The following GPC6 variants were observed in gnomAD, a reference collection of about 807,000 sequenced individuals.
The protein encoded by GPC6 is glypican 6, also known as glypican-6.
In GPC6, 14 loss-of-function variants were observed where a neutral mutation model predicts 55.2. That is an observed-to-expected ratio of 0.25 (90% CI 0.17 to 0.40). The LOEUF is 0.40. Ranked by LOEUF, GPC6 falls within the 10% of genes least tolerant of loss-of-function variation. The pLI is 1.00. For missense variants in GPC6, 641 were observed against 708.5 expected (o/e 0.90, Z 1.08); for synonymous variants, 278 against 259.6 (o/e 1.07, Z -0.68).
chr13:94,288,155 G>A (rs928252210), intron 5 of GPC6, among the ~76,000 whole-genome samples: 1 of 152,078 alleles, frequency 6.6e-6, no homozygotes, highest in African/African-American at 2.4e-5. Flanking sequence ...GAACAGATCA[G>A]CAATTATATA....
intron 3 of GPC6, among the ~76,000 whole-genome samples, chr13:93,953,524 A>G (rs575152017): frequency 1.3e-5 from 2 of 152,158 alleles, no homozygotes; most frequent in African/African-American, 4.8e-5. Context: ...GTTTCTCCAC[A>G]TCTTGTTCAT....
chr13:94,058,117 G>A (rs540011588), intron 4 of GPC6, among the ~76,000 whole-genome samples: 19 of 152,184 alleles, frequency 1.2e-4, no homozygotes, highest in Admixed American at 5.2e-4. Context: ...TTGCCTTTAC[G>A]GAAGTAAGAT....
At chr13:94,286,131 G>A (rs1892523520) in intron 4 of GPC6, among the ~76,000 whole-genome samples, 1 of 152,090 alleles carries the variant, frequency 6.6e-6, no homozygotes, top group Non-Finnish European at 1.5e-5. Flanking sequence ...CTTATTTTCA[G>A]CCCTGGTTCT....
chr13:93,669,062 A>G (rs1881255607), intron 2 of GPC6, among the ~76,000 whole-genome samples: 3 of 152,178 alleles, frequency 2.0e-5, no homozygotes, highest in African/African-American at 7.2e-5. Flanking sequence ...CTTGTAGGCA[A>G]TTCTTATTGC....
chr13:94,027,484 T>C (rs1002270713), intron 3 of GPC6, among the ~76,000 whole-genome samples: 11 of 152,074 alleles, frequency 7.2e-5, no homozygotes, highest in African/African-American at 2.4e-4. Context: ...TCTATGGCAA[T>C]GAAACAGTGT....
At chr13:93,780,277 A>ACG (rs1885596983) in intron 2 of GPC6, among the ~76,000 whole-genome samples, 1 of 151,978 alleles carries the variant, frequency 6.6e-6, no homozygotes, top group Non-Finnish European at 1.5e-5. Flanking sequence ...TTTAAAAGCA[A>ACG]AAAAAAACAC....
chr13:93,465,191 A>G (rs2139320127), intron 1 of GPC6, among the ~76,000 whole-genome samples: 1 of 152,328 alleles, frequency 6.6e-6, no homozygotes. Flanking sequence ...GATTTTTGAA[A>G]TGGCGAATGA....
chr13:93,993,690 G>A (rs1881414850), intron 3 of GPC6, among the ~76,000 whole-genome samples: 1 of 152,006 alleles, frequency 6.6e-6, no homozygotes, highest in Non-Finnish European at 1.5e-5. Flanking sequence ...AATTTCATTT[G>A]CTTCTAAATC....
intron 1 of GPC6, among the ~76,000 whole-genome samples, chr13:93,270,112 T>A (rs1413255930): frequency 6.6e-6 from 1 of 151,500 alleles, no homozygotes; most frequent in Non-Finnish European, 1.5e-5. Context: ...TAGCCAGGCA[T>A]GGTGGCATGA....
chr13:93,811,903 C>T (rs960981192), intron 2 of GPC6, among the ~76,000 whole-genome samples: 2 of 152,098 alleles, frequency 1.3e-5, no homozygotes, highest in Admixed American at 1.3e-4. Context: ...TATTGCATCC[C>T]TACCCTGCAG....
At chr13:93,609,505 T>C (rs1023713126) in intron 2 of GPC6, among the ~76,000 whole-genome samples, 1 of 152,230 alleles carries the variant, frequency 6.6e-6, no homozygotes, top group African/African-American at 2.4e-5. Flanking sequence ...CTCACAGTGC[T>C]GGGATTACAG....
intron 4 of GPC6, among the ~76,000 whole-genome samples, chr13:94,043,926 C>T (rs114124069): frequency 2.0e-5 from 3 of 151,786 alleles, no homozygotes; most frequent in Non-Finnish European, 4.4e-5. Context: ...TTGTTATATT[C>T]ATTGGTAATA....
At chr13:94,281,346 C>T (rs574043076) in intron 4 of GPC6, among the ~76,000 whole-genome samples, 5 of 152,130 alleles carry the variant, frequency 3.3e-5, no homozygotes, top group Non-Finnish European at 7.3e-5. Flanking sequence ...TCTCCCTCCC[C>T]TTCCCTCTCA....
chr13:94,312,063 A>G (rs1312466452), intron 6 of GPC6, among the ~76,000 whole-genome samples: 1 of 152,180 alleles, frequency 6.6e-6, no homozygotes, highest in Non-Finnish European at 1.5e-5. Flanking sequence ...CTGAAGAGTT[A>G]TCACTTCCTT....
intron 3 of GPC6, among the ~76,000 whole-genome samples, chr13:93,928,856 T>TATAC (rs1555342456): frequency 2.1e-5 from 3 of 142,896 alleles, no homozygotes; most frequent in African/African-American, 7.9e-5. Context: ...CCCTGTGTGT[T>TATAC]ACACACACAC....
intron 2 of GPC6, among the ~76,000 whole-genome samples, chr13:93,811,636 C>T (rs145396571): frequency 1.5e-4 from 23 of 151,646 alleles, no homozygotes; most frequent in African/African-American, 5.3e-4. Flanking sequence ...GAATGCAAAG[C>T]GTATTCATGG....
intron 5 of GPC6, among the ~76,000 whole-genome samples, chr13:94,287,957 G>C (rs994474248): frequency 1.3e-5 from 2 of 152,150 alleles, no homozygotes; most frequent in Non-Finnish European, 1.5e-5. Flanking sequence ...GTTTCCATTG[G>C]TGCGTGTGCA....
chr13:93,498,997 T>A (rs1293123387), intron 1 of GPC6, among the ~76,000 whole-genome samples: 3 of 152,164 alleles, frequency 2.0e-5, no homozygotes, highest in African/African-American at 7.2e-5. Flanking sequence ...TATGAATTCA[T>A]TTGTGTATTC....
chr13:93,895,234 GTATATATATATATATATATATATATATA>G (rs60375718), intron 3 of GPC6, among the ~76,000 whole-genome samples: 24 of 108,218 alleles, frequency 2.2e-4, no homozygotes, highest in East Asian at 1.3e-3. Flanking sequence ...GTGTGTGTGT[GTATATATATATATATATATATATATATA>G]TATATATATA....
Sources: allele counts gnomAD v4.1 joint callset (sites outside exome capture counted in the v4.1 genomes callset), GRCh38; gene constraint gnomAD v4.1.1; transcripts MANE v1.5; gene names NCBI Gene and HGNC (gene_info 2026-07-23, HGNC 2026-07-21).